UBR3: variants seen among roughly 807,000 people sequenced by gnomAD.
UBR3 encodes the protein ubiquitin protein ligase E3 component n-recognin 3, also known as E3 ubiquitin-protein ligase UBR3.
Under a neutral mutation model 243.2 loss-of-function variants are expected in UBR3, and 85 were observed. The observed-to-expected ratio is 0.35, with a 90% CI of 0.29 to 0.42. The LOEUF (loss-of-function observed/expected upper bound fraction) is 0.42. Among genes scored for constraint, UBR3 ranks in the 10% least tolerant of loss-of-function variants. UBR3 has a pLI of 1.00. For missense variants in UBR3, 1,686 were observed against 2,300.8 expected, an observed-to-expected ratio of 0.73 and a Z score of 5.47; for synonymous variants, 748 against 799.8, an observed-to-expected ratio of 0.94 and a Z score of 1.09.
At chr2:169,968,971 C>T (rs1053393811) in intron 24 of UBR3, among the ~76,000 whole-genome samples, 2 of 151,838 alleles carry the variant, frequency 1.3e-5, no homozygotes, top group African/African-American at 4.8e-5. Context: ...TTTTTATATG[C>T]CTGTTTGGCC....
rs960935638 is a variant in UBR3, at chr2:169,842,459, C to T, written c.545+14407C>T. ...GCCAGCATTGGCAACCCTCTCGGGT[C>T]CCCTTCCACACTGTGGAAGCTTTGT... On this transcript the variant is annotated intron_variant, in intron 1 of 38. Coordinates refer to ENST00000272793, the MANE Select transcript of UBR3 (RefSeq NM_172070.4). Among the ~76,000 whole-genome samples the T allele has an allele frequency of 1.3e-4, 20 of 151,886 alleles. No individual in the cohort carries two copies. The East Asian group carries it at 2.5e-3, about 19-fold the overall frequency.
At chr2:170,065,954 T>C (rs2091558395) in intron 35 of UBR3, among the ~76,000 whole-genome samples, 1 of 151,074 alleles carries the variant, frequency 6.6e-6, no homozygotes, top group African/African-American at 2.4e-5. Flanking sequence ...AAAAAAATGC[T>C]TCTACGTATC....
At chr2:169,930,449 C>A (rs2086079443) in intron 18 of UBR3, among the ~76,000 whole-genome samples, 1 of 151,732 alleles carries the variant, frequency 6.6e-6, no homozygotes, top group Non-Finnish European at 1.5e-5. Flanking sequence ...TGCAGTGGCG[C>A]CATCATAGCT....
intron 10 of UBR3, among the ~76,000 whole-genome samples, chr2:169,909,849 A>G (rs1453328491): frequency 6.6e-6 from 1 of 152,134 alleles, no homozygotes; most frequent in African/African-American, 2.4e-5. Flanking sequence ...TAAACATGAA[A>G]TTCAGGTAGC....
chr2:169,927,180 T>C (rs1308907912), intron 16 of UBR3, 140 bp from the exon 17 acceptor site: 5 of 971,392 alleles, frequency 5.1e-6, no homozygotes, highest in South Asian at 1.8e-5. Context: ...ACTGCAGTTA[T>C]GTTTGGAGCA....
chr2:170,032,782 A>G (rs756162510), intron 31 of UBR3, among the ~76,000 whole-genome samples: 20 of 151,828 alleles, frequency 1.3e-4, no homozygotes, highest in Non-Finnish European at 2.1e-4. Flanking sequence ...GTTACTGATG[A>G]TCATAACTCT....
At chr2:170,061,668 A>C (rs542251491) in intron 35 of UBR3, among the ~76,000 whole-genome samples, 1 of 152,242 alleles carries the variant, frequency 6.6e-6, no homozygotes, top group Admixed American at 6.5e-5. Context: ...GGGTTTCACC[A>C]CATTGGCCAG....
At chr2:170,068,492 G>A (rs73019592) in intron 35 of UBR3, among the ~76,000 whole-genome samples, 6,517 of 151,788 alleles carry the variant, frequency 0.043, 153 homozygotes, top group Middle Eastern at 0.058. Context: ...ATGAACGAAC[G>A]CATAAAAATT....
rs144952861 is a variant in UBR3, at chr2:170,059,615, G to A, written c.4786-1464G>A. Among the ~76,000 whole-genome samples, 380 of 152,198 alleles carry A rather than the reference G, an allele frequency of 2.5e-3. 1 individual carries two copies. Among genetic ancestry groups the A allele is most frequent in the African/African-American group, 8.7e-3 (360 of 41,544 alleles). On this transcript the variant is annotated intron_variant, in intron 33 of 38. Transcript: ENST00000272793. ...TCTTGTGAATTATATGTAATCTATA[G>A]GTTATTAATATTTAACACGTAATCA...
At chr2:170,051,921 A>G (rs1474112796) in intron 32 of UBR3, among the ~76,000 whole-genome samples, 1 of 151,698 alleles carries the variant, frequency 6.6e-6, no homozygotes, top group Non-Finnish European at 1.5e-5. Context: ...ATTGTTCTTT[A>G]TTTACTGTCC....
At chr2:169,986,910 G>A (rs941944042) in intron 25 of UBR3, 116 bp downstream of exon 25, 1 of 1,128,006 alleles carries the variant, frequency 8.9e-7, no homozygotes, top group Non-Finnish European at 1.2e-6. Flanking sequence ...AACTAGGCAA[G>A]GGTCAGTTTA....
In UBR3 at chr2:170,040,882, G is replaced by T; in HGVS notation, c.4557G>T (p.Gln1519His). 6.2e-7 allele frequency: 1 copy of T among 1,612,162 alleles called. No individual in the cohort carries two copies. Among genetic ancestry groups the T allele is most frequent in the African/African-American group, 1.3e-5 (1 of 74,904 alleles). ...KLTQLEEMNP[Q>H]LGYEEQQPEV... ...TAAAGTGACTACATTTTTCTTTTAG[G>T]CTGGGATATGAAGAACAACAGCCTG... The change falls in exon 32 of 39, where the codon CAG becomes CAT. Residue 1519 changes from glutamine (Q) to histidine (H), a missense_variant and splice_region_variant. By Grantham distance (24) the Gln-to-His change is conservative. Around this residue, in one of 8 missense-constraint regions of UBR3, gnomAD observed 371 missense variants for 422.5 expected, o/e 0.88. Transcript: ENST00000272793.
At position 169,888,883 on chromosome 2, in the gene UBR3, A is replaced by G. The variant is rs146238557; in HGVS notation, c.1039-2282A>G. Among the ~76,000 whole-genome samples the G allele has an allele frequency of 4.9e-3, 739 of 152,202 alleles. 3 individuals carry two copies. Among genetic ancestry groups the G allele is most frequent in the South Asian group, 0.022 (106 of 4,824 alleles). On this transcript the variant is annotated intron_variant, in intron 5 of 38. Coordinates refer to ENST00000272793, the MANE Select transcript of UBR3 (RefSeq NM_172070.4). ...ATATGGTACAGGTGTGCTATTATAT[A>G]TTTACCTAATCATCTACTATTGGAA...
chr2:169,828,470 A>G (rs1056822611), intron 1 of UBR3, among the ~76,000 whole-genome samples: 1 of 151,462 alleles, frequency 6.6e-6, no homozygotes, highest in African/African-American at 2.4e-5. Context: ...CTGGGAGGGG[A>G]TGTTATTGGG....
At chr2:169,921,037 AT>A (rs773393234) in intron 11 of UBR3, among the ~76,000 whole-genome samples, 5 of 152,210 alleles carry the variant, frequency 3.3e-5, no homozygotes, top group Non-Finnish European at 7.3e-5. Context: ...AAGAAAGTGG[AT>A]TTAAGAGATA....
intron 25 of UBR3, among the ~76,000 whole-genome samples, chr2:169,991,251 A>G (rs1053524512): frequency 6.6e-6 from 1 of 152,214 alleles, no homozygotes; most frequent in East Asian, 1.9e-4. Context: ...CTTCTAAAAT[A>G]ATAATTGGAG....
At chr2:170,074,151 G>A (rs1267855891) in intron 36 of UBR3, among the ~76,000 whole-genome samples, 2 of 152,098 alleles carry the variant, frequency 1.3e-5, no homozygotes, top group East Asian at 1.9e-4. Context: ...GATGAAAGTA[G>A]TATTTTGGGG....
chr2:169,864,976 C>T (rs2083208247), intron 1 of UBR3, among the ~76,000 whole-genome samples: 1 of 150,438 alleles, frequency 6.6e-6, no homozygotes, highest in Admixed American at 6.6e-5. Context: ...ATCCCAGCTA[C>T]TCTGGAGACT....
intron 3 of UBR3, among the ~76,000 whole-genome samples, chr2:169,876,401 A>C (rs2083612794): frequency 6.6e-6 from 1 of 152,056 alleles, no homozygotes; most frequent in Non-Finnish European, 1.5e-5. Context: ...TGTTTTATGG[A>C]TGAGGAAATT....
Sources: allele counts gnomAD v4.1 joint callset (sites outside exome capture counted in the v4.1 genomes callset), GRCh38; gene constraint gnomAD v4.1.1; regional missense constraint gnomAD v4.1.1; transcripts MANE v1.5; gene names NCBI Gene and HGNC (gene_info 2026-07-23, HGNC 2026-07-21).